The following VPS13B variants were observed in gnomAD, a reference collection of about 807,000 sequenced individuals.
The protein encoded by VPS13B is vacuolar protein sorting 13 homolog B.
In VPS13B, 285 loss-of-function variants were observed where a neutral mutation model predicts 426.4. That is an observed-to-expected ratio of 0.67 (90% CI 0.61 to 0.74). The LOEUF (loss-of-function observed/expected upper bound fraction) is 0.74. Ranked by LOEUF, VPS13B falls within the 30% of genes least tolerant of loss-of-function variation. VPS13B has a pLI of 0.00. For synonymous variants in VPS13B, 1,676 were observed against 1,676.4 expected, an observed-to-expected ratio of 1.00 and a Z score of 0.01; for missense variants, 4,537 against 4,782.6, an observed-to-expected ratio of 0.95 and a Z score of 1.51.
At chr8:99,668,193 G>A (rs1830562196) in intron 35 of VPS13B, among the ~76,000 whole-genome samples, 2 of 151,548 alleles carry the variant, frequency 1.3e-5, no homozygotes, top group Admixed American at 6.6e-5. Context: ...AACAATGAAA[G>A]TTATGACCCT....
intron 35 of VPS13B, among the ~76,000 whole-genome samples, chr8:99,676,061 T>G (rs1830921260): frequency 1.3e-5 from 2 of 152,174 alleles, no homozygotes; most frequent in African/African-American, 2.4e-5. Context: ...AAGTAGGTTC[T>G]TATTCCAGTC....
At chr8:99,246,910 C>T (rs80214039) in intron 17 of VPS13B, among the ~76,000 whole-genome samples, 3,056 of 151,236 alleles carry the variant, frequency 0.02, 111 homozygotes, top group African/African-American at 0.07. Context: ...GCACATATTT[C>T]GTGTTTGTTG....
intron 36 of VPS13B, among the ~76,000 whole-genome samples, chr8:99,701,146 A>G (rs1832263161): frequency 1.3e-5 from 2 of 152,216 alleles, no homozygotes; most frequent in Admixed American, 6.5e-5. Context: ...TTCGTGACCA[A>G]GCCAACTAAA....
At chr8:99,138,876 T>A (rs924516971) in intron 12 of VPS13B, among the ~76,000 whole-genome samples, 1 of 152,206 alleles carries the variant, frequency 6.6e-6, no homozygotes, top group Non-Finnish European at 1.5e-5. Context: ...AGTAGTTACC[T>A]TTTAAGCAAA....
chr8:99,819,654 A>G, intron 48 of VPS13B, 72 bp downstream of exon 48: 1 of 1,511,890 alleles, frequency 6.6e-7, no homozygotes, highest in Non-Finnish European at 9.0e-7. Context: ...CAAAAATATT[A>G]AATACCATAA....
rs564994811 is a variant in VPS13B at position 99,279,447 on chromosome 8, A to T, written c.2824+4193A>T. 6.3e-4 allele frequency among the ~76,000 whole-genome samples: 96 copies of T among 152,128 alleles called. 1 individual carries two copies. In the South Asian group the frequency reaches 0.02, roughly 31 times the overall value. On this transcript the variant is annotated intron_variant, in intron 19 of 61. Transcript: ENST00000357162. Reference sequence around the variant, plus strand: ...GCTAATTTTTGTATTTTTAGTAAAGATGGGGTTTCACCATGCTGGTCAGGC... The same window carrying T: ...GCTAATTTTTGTATTTTTAGTAAAGTTGGGGTTTCACCATGCTGGTCAGGC...
In VPS13B at chr8:99,429,669, T is replaced by C. The variant is rs1816979926; in HGVS notation, c.3083-1868T>C. On this transcript the variant is annotated intron_variant, in intron 21 of 61. Coordinates refer to ENST00000357162, the MANE Select transcript of VPS13B (RefSeq NM_152564.5). Reference sequence around the variant, plus strand: ...ATCAGTAAGTCTTATTGGTTATGTCTTTGAAATGGATACAGCATTTTACCA... The same window carrying C: ...ATCAGTAAGTCTTATTGGTTATGTCCTTGAAATGGATACAGCATTTTACCA... 3 of 152,204 alleles carry C rather than the reference T, an allele frequency of 2.0e-5. No homozygotes were observed. In the South Asian group the frequency reaches 6.2e-4, roughly 31 times the overall value. 9.4% of individuals were successfully genotyped at this position (152,204 alleles called of 1,614,324 possible). A position where few individuals can be genotyped will look rare whatever the true frequency, so the allele number is the denominator to read the frequency against.
rs751986362 is a variant in VPS13B at position 99,135,649 on chromosome 8, C to A, written c.1479C>A (p.Tyr493Ter). The A allele has an allele frequency of 1.2e-6, 2 of 1,613,408 alleles. No individual in the cohort carries two copies. The highest frequency in any genetic ancestry group is 8.5e-7 in the Non-Finnish European group (1 of 1,179,534). ...GDNLSTKGFT[Y>*]LTNSLFDYRS... is the part of the protein sequence containing the mutation. Reference sequence around the variant, plus strand: ...ATTTGAGTACGAAAGGTTTCACATACCTTACAAATTCATTGTTTGATTACC... The same window carrying A: ...ATTTGAGTACGAAAGGTTTCACATAACTTACAAATTCATTGTTTGATTACC... Residue 493 changes from tyrosine to a stop codon, truncating the protein, a stop_gained, in exon 11 of 62, where the codon TAC becomes TAA. Transcript: ENST00000357162. LOFTEE classifies it high-confidence loss of function.
At chr8:99,581,657 A>G (rs1826064402) in intron 33 of VPS13B, among the ~76,000 whole-genome samples, 2 of 152,136 alleles carry the variant, frequency 1.3e-5, no homozygotes, top group Non-Finnish European at 2.9e-5. Context: ...CAAAATTTGA[A>G]ATGCTTCCCT....
chr8:99,079,505 A>G (rs952093740), intron 3 of VPS13B, among the ~76,000 whole-genome samples: 8 of 152,194 alleles, frequency 5.3e-5, no homozygotes, highest in Admixed American at 3.9e-4. Flanking sequence ...ACTCTAGTTT[A>G]TAAATGTTAA....
At chr8:99,704,693 A>G (rs1037750069) in intron 36 of VPS13B, among the ~76,000 whole-genome samples, 3 of 152,160 alleles carry the variant, frequency 2.0e-5, no homozygotes, top group African/African-American at 7.2e-5. Context: ...CAGCTATACA[A>G]ATCACTAACA....
chr8:99,751,321 C>T (rs757204321), intron 39 of VPS13B, among the ~76,000 whole-genome samples: 11 of 151,984 alleles, frequency 7.2e-5, no homozygotes, highest in Non-Finnish European at 1.6e-4. Flanking sequence ...AAATTACAGA[C>T]TTATTATATG....
chr8:99,717,121 A>AT (rs747458031), intron 36 of VPS13B, 50 bp from the exon 37 acceptor site: 216 of 1,519,854 alleles, frequency 1.4e-4, no homozygotes, highest in Middle Eastern at 1.8e-4. Flanking sequence ...TTTCCCAAAC[A>AT]TTTTTTTTGA....
intron 15 of VPS13B, among the ~76,000 whole-genome samples, chr8:99,166,051 C>A (rs374699202): frequency 2.6e-5 from 4 of 152,188 alleles, no homozygotes; most frequent in African/African-American, 9.7e-5. Flanking sequence ...ACGATCTTGG[C>A]TCACTGCAAC....
At chr8:99,477,267 A>C (rs1488999801) in intron 24 of VPS13B, among the ~76,000 whole-genome samples, 1 of 152,100 alleles carries the variant, frequency 6.6e-6, no homozygotes, top group East Asian at 1.9e-4. Context: ...ATGACCTAAA[A>C]ATGTCTTTTA....
At chr8:99,453,500 G>GACATT (rs1394402588) in intron 23 of VPS13B, among the ~76,000 whole-genome samples, 1 of 152,110 alleles carries the variant, frequency 6.6e-6, no homozygotes, top group African/African-American at 2.4e-5. Context: ...AATTGCTGTA[G>GACATT]ACATTATTCT....
chr8:99,380,610 A>C (rs1442773466), intron 19 of VPS13B, among the ~76,000 whole-genome samples: 1 of 152,090 alleles, frequency 6.6e-6, no homozygotes, highest in Non-Finnish European at 1.5e-5. Context: ...TATACATGGC[A>C]AATTTTGGTT....
intron 3 of VPS13B, among the ~76,000 whole-genome samples, chr8:99,051,645 G>T (rs1441657295): frequency 6.6e-6 from 1 of 152,108 alleles, no homozygotes; most frequent in Admixed American, 6.5e-5. Flanking sequence ...CACGATATTG[G>T]TTCTTCCTAC....
chr8:99,871,606 C>T lies in VPS13B; in HGVS notation c.11654C>T (p.Pro3885Leu). Residue 3885 changes from proline (P) to leucine (L), a missense_variant, in exon 61 of 62, where the codon CCC (proline) becomes CTC (leucine). Around this residue, in one of 2 missense-constraint regions of VPS13B, gnomAD observed 4,311 missense variants for 4,474.3 expected, o/e 0.96. Coordinates refer to ENST00000357162, the MANE Select transcript of VPS13B (RefSeq NM_152564.5). ...VSEDTQQQAF[P>L]VTEIDCAQDS... Reference sequence around the variant, plus strand: ...GAGGACACACAGCAGCAGGCCTTCCCCGTCACAGAAATCGACTGTGCACAG... The same window carrying T: ...GAGGACACACAGCAGCAGGCCTTCCTCGTCACAGAAATCGACTGTGCACAG... The T allele has an allele frequency of 6.2e-7, 1 of 1,614,198 alleles. No individual in the cohort carries two copies. The highest frequency in any genetic ancestry group is 8.5e-7 in the Non-Finnish European group (1 of 1,180,036).
Sources: allele counts gnomAD v4.1 joint callset (sites outside exome capture counted in the v4.1 genomes callset), GRCh38; gene constraint gnomAD v4.1.1; regional missense constraint gnomAD v4.1.1; transcripts MANE v1.5; gene names NCBI Gene and HGNC (gene_info 2026-07-23, HGNC 2026-07-21).